The following ZNF646 variants were observed in gnomAD, a reference collection of about 807,000 sequenced individuals.
The protein encoded by ZNF646 is zinc finger protein 646.
ZNF646 carries 49 observed loss-of-function variants against 115.4 expected under a neutral mutation model. The ratio of observed to expected loss-of-function variants is 0.42; its 90% CI spans 0.34 to 0.54. The LOEUF (loss-of-function observed/expected upper bound fraction) is 0.54. Among genes scored for constraint, ZNF646 ranks in the 20% least tolerant of loss-of-function variants. The pLI, the probability that ZNF646 is intolerant of heterozygous loss-of-function variation, is 0.04. For synonymous variants in ZNF646, 933 were observed against 939.0 expected, an observed-to-expected ratio of 0.99 and a Z score of 0.12; for missense variants, 2,269 against 2,457.9, an observed-to-expected ratio of 0.92 and a Z score of 1.62.
At position 31,077,033 on chromosome 16, in the gene ZNF646, C is replaced by T. The variant is rs775221774; in HGVS notation, c.709C>T (p.Arg237Trp). The T allele has an allele frequency of 5.6e-6, 9 of 1,613,950 alleles. No homozygotes were observed. The highest frequency in any genetic ancestry group is 1.1e-5 in the South Asian group (1 of 91,078). Reference sequence around the variant, plus strand: ...CCAGTCCCCTCCTGCTGAGGAGGAGCGGCGGTACAAATGTAGTCAGTGTGG... The same window carrying T: ...CCAGTCCCCTCCTGCTGAGGAGGAGTGGCGGTACAAATGTAGTCAGTGTGG... ...PTQSPPAEEE[R>W]RYKCSQCGKT... Residue 237 changes from arginine (R) to tryptophan (W), a missense_variant, in exon 2 of 3, where the codon CGG becomes TGG. Physicochemically the swap from Arg to Trp is moderately radical, Grantham distance 101. Transcript: ENST00000300850.
chr16:31,077,716 C>T lies in ZNF646; in HGVS notation c.1392C>T (p.Pro464=). The T allele has an allele frequency of 6.2e-7, 1 of 1,614,066 alleles. No individual in the cohort carries two copies. Among genetic ancestry groups the T allele is most frequent in the Non-Finnish European group, 8.5e-7 (1 of 1,180,016 alleles). ...CCACCACCACCCTGGACCATCGGCC[C>T]TATAAGTGCAGTGAGTGTGGTCGTG... The part of the protein sequence containing the change: ...EDPTTTLDHR[P]YKCSECGRAY... The change falls in exon 2 of 3, where the codon CCC becomes CCT. Residue 464 remains proline (P), a synonymous_variant. Transcript: ENST00000300850.
rs1211379331 is a variant in ZNF646, at chr16:31,077,997, A to G, written c.1673A>G (p.His558Arg). 4.3e-6 allele frequency: 7 copies of G among 1,613,996 alleles called. No individual in the cohort carries two copies. Among genetic ancestry groups the G allele is most frequent in the East Asian group, 2.2e-5 (1 of 44,902 alleles). Residue 558 changes from histidine (H) to arginine (R), a missense_variant, in exon 2 of 3, where the codon CAT becomes CGT. Physicochemically the swap from His to Arg is conservative, Grantham distance 29. Transcript: ENST00000300850. The stretch of plus-strand genomic sequence containing the variant: ...ACAGATCAGGACCATGTGTGCAAAC[A>G]TGAAGAAGAGGCCACGGACATCACC... ...PHTDQDHVCK[H>R]EEEATDITPA...
In ZNF646 at chr16:31,081,593, C is replaced by T. The variant is rs752986217; in HGVS notation, c.5269C>T (p.Arg1757Trp). The T allele has an allele frequency of 9.9e-6, 16 of 1,610,906 alleles. No homozygotes were observed. The highest frequency in any genetic ancestry group is 3.3e-5 in the South Asian group (3 of 90,930). The change falls in exon 2 of 3, where the codon CGG becomes TGG. Residue 1757 changes from arginine (R) to tryptophan (W), a missense_variant. Coordinates refer to ENST00000300850, the MANE Select transcript of ZNF646 (RefSeq NM_014699.4). ...LEGHGRVHAP[R>W]EGPFTCPHCP... Reference sequence around the variant, plus strand: ...GGGCCACGGGCGGGTCCATGCACCCCGGGAGGGGCCTTTCACCTGCCCCCA... The same window carrying T: ...GGGCCACGGGCGGGTCCATGCACCCTGGGAGGGGCCTTTCACCTGCCCCCA...
In ZNF646 at chr16:31,076,385, C is replaced by A; in HGVS notation, c.61C>A (p.Pro21Thr). ...SDCQRHFPSLPELSRHRELLH... is the reference protein window; with the variant it reads ...SDCQRHFPSLTELSRHRELLH... ...CTGTCAGCGCCACTTTCCCAGCCTC[C>A]CAGAGCTCTCTCGGCACCGAGAACT... The change falls in exon 2 of 3, where the codon CCA becomes ACA. Residue 21 changes from proline (P) to threonine (T), a missense_variant. Pro to Thr is a conservative substitution (Grantham distance 38). Around this residue, in one of 5 missense-constraint regions of ZNF646, gnomAD observed 334 missense variants for 323.5 expected, o/e 1.03. Coordinates refer to ENST00000300850, the MANE Select transcript of ZNF646 (RefSeq NM_014699.4). The A allele has an allele frequency of 6.2e-7, 1 of 1,614,074 alleles. No homozygotes were observed. Among genetic ancestry groups the A allele is most frequent in the East Asian group, 2.2e-5 (1 of 44,880 alleles).
rs778892870 is a variant in ZNF646 at position 31,078,164 on chromosome 16, C to T, written c.1840C>T (p.Pro614Ser). 1.9e-6 allele frequency: 3 copies of T among 1,614,052 alleles called. No individual in the cohort carries two copies. Among genetic ancestry groups the T allele is most frequent in the Admixed American group, 1.7e-5 (1 of 60,030 alleles). Residue 614 changes from proline (P) to serine (S), a missense_variant, in exon 2 of 3, where the codon CCT becomes TCT. Coordinates refer to ENST00000300850, the MANE Select transcript of ZNF646 (RefSeq NM_014699.4). The part of the protein sequence containing the change: ...NSRTETTMSP[P>S]RAFACRDCGK... The stretch of plus-strand genomic sequence containing the variant: ...CAGAACAGAGACCACAATGTCACCT[C>T]CTAGGGCCTTTGCCTGCCGAGACTG...
At chr16:31,081,977 C>T in intron 2 of ZNF646, 1 of 499,256 alleles carries the variant, frequency 2.0e-6, no homozygotes, top group Non-Finnish European at 3.6e-6. Context: ...TACACTGTAG[C>T]CAGAATGGAA....
At position 31,077,880 on chromosome 16, in the gene ZNF646, G is replaced by A. The variant is rs775558415; in HGVS notation, c.1556G>A (p.Arg519His). 2.4e-5 allele frequency: 39 copies of A among 1,613,558 alleles called. No individual in the cohort carries two copies. The highest frequency in any genetic ancestry group is 1.6e-4 in the Middle Eastern group (1 of 6,084). Reference sequence around the variant, plus strand: ...GTGCGGGTACATTGCAAGGCTGCTCGCCGAAGTGCAGACATCGGGGCTGAG... The same window carrying A: ...GTGCGGGTACATTGCAAGGCTGCTCACCGAAGTGCAGACATCGGGGCTGAG... ...NHVRVHCKAA[R>H]RSADIGAEGA... is the part of the protein sequence containing the mutation. The change falls in exon 2 of 3, where the codon CGC (arginine) becomes CAC (histidine). Residue 519 changes from arginine to histidine, a missense_variant. Arg to His is a conservative substitution (Grantham distance 29, BLOSUM62 0). Transcript: ENST00000300850.
rs187128221 is a variant in ZNF646, at chr16:31,084,047, C to T, written c.*955C>T. 970 of 1,522,206 alleles carry T rather than the reference C, an allele frequency of 6.4e-4. 4 individuals carry two copies. The highest frequency in any genetic ancestry group is 2.0e-4 in the Middle Eastern group (1 of 4,910). The allele number at this position is 1,522,206 out of a possible 1,614,324, so 94.3% of individuals were successfully genotyped here. ...CCAAGGCAGCTGGAGTGGGTTAGAA[C>T]GGCACGTTCTCACTGGAGAGAGAAG... On this transcript the variant is annotated 3_prime_UTR_variant, in exon 3 of 3. Transcript: ENST00000300850.
chr16:31,079,346 T>G lies in ZNF646; in HGVS notation c.3022T>G (p.Leu1008Val). 1 of 1,613,970 alleles carries G rather than the reference T, an allele frequency of 6.2e-7. No homozygotes were observed. The highest frequency in any genetic ancestry group is 1.3e-5 in the African/African-American group (1 of 75,034). Residue 1008 changes from leucine (L) to valine (V), a missense_variant, in exon 2 of 3, where the codon TTG (leucine) becomes GTG (valine). By Grantham distance (32) the Leu-to-Val change is conservative (BLOSUM62 1). Coordinates refer to ENST00000300850, the MANE Select transcript of ZNF646 (RefSeq NM_014699.4). The surrounding 1 kb of genome is among the most constrained non-coding windows in gnomAD (Gnocchi z 5.5). ...DAMEMVVDSV[L>V]EDIVNSVSGE... ...CATGGAGATGGTCGTGGACAGTGTC[T>G]TGGAGGACATAGTGAATTCTGTCTC... is the stretch of plus-strand genomic sequence containing the variant.
rs1461974887 is a variant in ZNF646 at position 31,083,472 on chromosome 16, G to A, written c.*380G>A. 1.5e-6 allele frequency: 2 copies of A among 1,317,446 alleles called. No individual in the cohort carries two copies. Among genetic ancestry groups the A allele is most frequent in the East Asian group, 6.6e-5 (2 of 30,426 alleles). The allele number at this position is 1,317,446 out of a possible 1,614,324, so 81.6% of individuals were successfully genotyped here. On this transcript the variant is annotated 3_prime_UTR_variant, in exon 3 of 3. Transcript: ENST00000300850. Reference sequence around the variant, plus strand: ...AACAATTTATTTAAGTTTAAAAAAAGGAAAACTGCTGCCCCCCAAAAAAAG... The same window carrying A: ...AACAATTTATTTAAGTTTAAAAAAAAGAAAACTGCTGCCCCCCAAAAAAAG...
intron 2 of ZNF646, chr16:31,082,687 A>C (rs1213399123): frequency 2.3e-6 from 1 of 444,376 alleles, no homozygotes; most frequent in Non-Finnish European, 4.1e-6. Context: ...GGTGGCCCTG[A>C]GATGGTGGGC....
At chr16:31,081,735 G>T in intron 2 of ZNF646, 34 bp downstream of exon 2, 1 of 1,533,584 alleles carries the variant, frequency 6.5e-7, no homozygotes, top group Non-Finnish European at 8.8e-7. Flanking sequence ...GAGGAGGTGG[G>T]CACACAGTGG....
intron 2 of ZNF646, chr16:31,082,562 G>A: frequency 4.0e-6 from 1 of 251,008 alleles, no homozygotes; most frequent in South Asian, 5.2e-5. Flanking sequence ...CAGCACTGCT[G>A]GAAGCCGCAG....
In ZNF646 at chr16:31,080,280, G is replaced by A. The variant is rs867369780; in HGVS notation, c.3956G>A (p.Arg1319His). The change falls in exon 2 of 3, where the codon CGC becomes CAC. Residue 1319 changes from arginine (R) to histidine (H), a missense_variant. Arg to His is a conservative substitution (Grantham distance 29, BLOSUM62 0). This residue lies in a region of ZNF646 where 1,062 missense variants were observed against 1,172.8 expected (regional missense o/e 0.91). Transcript: ENST00000300850. Reference protein sequence around the residue: ...RHAGSLLNHRRSHETGQYSCP... With the variant: ...RHAGSLLNHRHSHETGQYSCP... ...GCCGGCAGCCTCCTGAACCACCGGC[G>A]CAGCCACGAGACGGGCCAGTACAGC... 6 of 1,612,564 alleles carry A rather than the reference G, an allele frequency of 3.7e-6. No homozygotes were observed. Among genetic ancestry groups the A allele is most frequent in the African/African-American group, 2.7e-5 (2 of 74,928 alleles).
Position 31,083,784 on chromosome 16 carries a change from C to G in ZNF646, c.*692C>G, listed in dbSNP as rs754250106. On this transcript the variant is annotated 3_prime_UTR_variant, in exon 3 of 3. Coordinates refer to ENST00000300850, the MANE Select transcript of ZNF646 (RefSeq NM_014699.4). ...TCTCTTGTCCTGAGAATGGCCAGGT[C>G]CCCTGTCAGCAGCTGGTTGGTTGGC... The G allele has an allele frequency of 6.2e-7, 1 of 1,614,066 alleles. No homozygotes were observed.
rs2057194840 is a variant in ZNF646, at chr16:31,083,683, G to A, written c.*591G>A. On this transcript the variant is annotated 3_prime_UTR_variant, in exon 3 of 3. Transcript: ENST00000300850. ...CTTCCCACAGCTGCTGGGCTTCTGG[G>A]CCTGCCCTGGTGCCTGGAATCACAC... 3 of 1,594,876 alleles carry A rather than the reference G, an allele frequency of 1.9e-6. No individual in the cohort carries two copies. The African/African-American group carries it at 4.0e-5, about 21-fold the overall frequency.
rs141015965 is a variant in ZNF646, at chr16:31,079,773, A to T, written c.3449A>T (p.Glu1150Val). ...GAGGGGCCGGGGCAAGCAGAAGTCG[A>T]GAAGCTCCAGGAAGAACTTAAAGTG... is the stretch of plus-strand genomic sequence containing the variant. ...AEEGPGQAEV[E>V]KLQEELKVEP... The change falls in exon 2 of 3, where the codon GAG (glutamate) becomes GTG (valine). Residue 1150 changes from glutamate to valine, a missense_variant. This residue lies in a region of ZNF646 where 1,062 missense variants were observed against 1,172.8 expected (regional missense o/e 0.91). Transcript: ENST00000300850. This position sits in a 1 kb window ranked among gnomAD's most constrained non-coding sequence, Gnocchi z 5.5. 39 of 1,613,476 alleles carry T rather than the reference A, an allele frequency of 2.4e-5. No individual in the cohort carries two copies. The highest frequency in any genetic ancestry group is 3.1e-5 in the Non-Finnish European group (37 of 1,179,950).
Position 31,077,714 on chromosome 16 carries a change from C to T in ZNF646, c.1390C>T (p.Pro464Ser), listed in dbSNP as rs1394694749. ...CCCCACCACCACCCTGGACCATCGGCCCTATAAGTGCAGTGAGTGTGGTCG... is the reference window on the plus strand; with the variant it reads ...CCCCACCACCACCCTGGACCATCGGTCCTATAAGTGCAGTGAGTGTGGTCG... The part of the protein sequence containing the change: ...EDPTTTLDHR[P>S]YKCSECGRAY... Residue 464 changes from proline (P) to serine (S), a missense_variant, in exon 2 of 3, where the codon CCC becomes TCC. Around this residue, in one of 5 missense-constraint regions of ZNF646, gnomAD observed 852 missense variants for 900.2 expected, o/e 0.95. Coordinates refer to ENST00000300850, the MANE Select transcript of ZNF646 (RefSeq NM_014699.4). 1 of 1,613,954 alleles carries T rather than the reference C, an allele frequency of 6.2e-7. No individual in the cohort carries two copies. The highest frequency in any genetic ancestry group is 8.5e-7 in the Non-Finnish European group (1 of 1,180,018).
Position 31,080,759 on chromosome 16 carries a change from G to A in ZNF646, c.4435G>A (p.Val1479Ile). ...ACTGGGGAATCATAGTGGAGGCTGG[G>A]TTCCTCAGTTCCTAACTAGGTCAGA... ...GGLGNHSGGW[V>I]PQFLTRSEEP... Residue 1479 changes from valine (V) to isoleucine (I), a missense_variant, in exon 2 of 3, where the codon GTT (valine) becomes ATT (isoleucine). Coordinates refer to ENST00000300850, the MANE Select transcript of ZNF646 (RefSeq NM_014699.4). 1 of 1,613,754 alleles carries A rather than the reference G, an allele frequency of 6.2e-7. No individual in the cohort carries two copies. The highest frequency in any genetic ancestry group is 8.5e-7 in the Non-Finnish European group (1 of 1,179,912).
Sources: allele counts gnomAD v4.1 joint callset, GRCh38; gene constraint gnomAD v4.1.1; regional missense constraint gnomAD v4.1.1; non-coding constraint Gnocchi (gnomAD v3.1); transcripts MANE v1.5; gene names NCBI Gene and HGNC (gene_info 2026-07-23, HGNC 2026-07-21).